GJA8: variants seen among roughly 807,000 people sequenced by gnomAD.
GJA8 encodes gap junction alpha-8 protein.
GJA8 carries 13 observed loss-of-function variants against 15.3 expected under a neutral mutation model. That is an observed-to-expected ratio of 0.85 (90% CI 0.55 to 1.35). The LOEUF is 1.35. Among genes scored for constraint, GJA8 ranks in the 40% most tolerant of loss-of-function variants. The probability of loss-of-function intolerance (pLI) is 0.00; values close to 1 mark genes in which losing one functional copy is unlikely to be tolerated. For missense variants in GJA8, 607 were observed against 553.3 expected, an observed-to-expected ratio of 1.10 and a Z score of -0.97; for synonymous variants, 304 against 238.7, an observed-to-expected ratio of 1.27 and a Z score of -2.52.
intron 1 of GJA8, among the ~76,000 whole-genome samples, chr1:147,907,141 C>T (rs756212294): frequency 1.3e-5 from 2 of 152,102 alleles, no homozygotes; most frequent in African/African-American, 4.8e-5. Flanking sequence ...CTTGCCCTGG[C>T]CTCCCAAAGT....
rs782722708 is a variant in GJA8 at position 147,909,053 on chromosome 1, G to T, written c.1098G>T (p.Val366=). ...CGGAGGAGCAGGAGAAGGTGGCCGT[G>T]CCAGAGGGGGAGAAAGTAGAGACCC... ...LTTEEQEKVA[V]PEGEKVETPG... is the part of the protein sequence containing the mutation. The change falls in exon 2 of 2, where the codon GTG becomes GTT. Residue 366 remains valine, a synonymous_variant. Transcript: ENST00000369235. The T allele has an allele frequency of 2.5e-6, 4 of 1,601,652 alleles. No individual in the cohort carries two copies. Among genetic ancestry groups the T allele is most frequent in the Non-Finnish European group, 3.4e-6 (4 of 1,173,874 alleles).
rs115981722 is a variant in GJA8 at position 147,907,897 on chromosome 1, G to T, written c.-11-48G>T. 47,289 of 1,301,272 alleles carry T rather than the reference G, an allele frequency of 0.036. 1,099 individuals are homozygous for T. The highest frequency in any genetic ancestry group is 0.045 in the Non-Finnish European group (40,035 of 898,220). The allele number at this position is 1,301,272 out of a possible 1,614,324, so 80.6% of individuals were successfully genotyped here. ...TTAGCAAAAACAGATATTGACTCAG[G>T]GTTGCATTGCGGCCGCTCAGCTCTT... On this transcript the variant is annotated intron_variant, in intron 1 of 1. Coordinates refer to ENST00000369235, the MANE Select transcript of GJA8 (RefSeq NM_005267.5).
chr1:147,909,281 A>AAC, downstream of GJA8: 1 of 1,530,626 alleles, frequency 6.5e-7, no homozygotes. Flanking sequence ...AAAAAAAAAA[A>AAC]AACGCCCAAG....
In GJA8 at chr1:147,909,003, A is replaced by G. The variant is rs1344471477; in HGVS notation, c.1048A>G (p.Lys350Glu). ...AGCCGAACCCGAGGTGGGAGAGAAG[A>G]AGGAGGAAGCAGAGAGGCTGACCAC... ...EGAEPEVGEK[K>E]EEAERLTTEE... Residue 350 changes from lysine to glutamate, a missense_variant, in exon 2 of 2, where the codon AAG becomes GAG. Physicochemically the swap from Lys to Glu is moderately conservative, Grantham distance 56. Coordinates refer to ENST00000369235, the MANE Select transcript of GJA8 (RefSeq NM_005267.5). 3.1e-6 allele frequency: 5 copies of G among 1,594,628 alleles called. No homozygotes were observed. Among genetic ancestry groups the G allele is most frequent in the Admixed American group, 1.8e-5 (1 of 56,176 alleles).
At chr1:147,913,657 G>T (rs1020322560), downstream of GJA8, among the ~76,000 whole-genome samples, 1 of 152,234 alleles carries the variant, frequency 6.6e-6, no homozygotes, top group African/African-American at 2.4e-5. Flanking sequence ...TCCCGAGAAG[G>T]GTCATTAGGC....
In GJA8 at chr1:147,908,933, G is replaced by T. The variant is rs1483268829; in HGVS notation, c.978G>T (p.Val326=). ...YQETLPSYAQ[V]GAQEVEGEGP... is the part of the protein sequence containing the mutation. ...AGACACTGCCTTCCTACGCTCAGGT[G>T]GGGGCACAAGAAGTGGAGGGCGAGG... The change falls in exon 2 of 2, where the codon GTG becomes GTT. Residue 326 remains valine (V), a synonymous_variant. Coordinates refer to ENST00000369235, the MANE Select transcript of GJA8 (RefSeq NM_005267.5). 1.2e-6 allele frequency: 2 copies of T among 1,610,452 alleles called. No individual in the cohort carries two copies. Among genetic ancestry groups the T allele is most frequent in the Non-Finnish European group, 1.7e-6 (2 of 1,177,438 alleles).
Position 147,907,428 on chromosome 1 carries a change from C to T in GJA8, c.-11-517C>T, listed in dbSNP as rs782774104. Among the ~76,000 whole-genome samples, 9 of 152,224 alleles carry T rather than the reference C, an allele frequency of 5.9e-5. No individual in the cohort carries two copies. The South Asian group carries it at 1.0e-3, about 18-fold the overall frequency. On this transcript the variant is annotated intron_variant, in intron 1 of 1. Coordinates refer to ENST00000369235, the MANE Select transcript of GJA8 (RefSeq NM_005267.5). ...CCCCTTCCACTTCCCTTCAAATATA[C>T]GATCATTATATATTCTGACACTCAA...
chr1:147,909,803 C>G (rs587747727), downstream of GJA8, among the ~76,000 whole-genome samples: 1 of 152,342 alleles, frequency 6.6e-6, no homozygotes, highest in South Asian at 2.1e-4. Context: ...CTGCTGCTCA[C>G]TTCCAGACAA....
chr1:147,910,454 C>G (rs1429702864), downstream of GJA8, among the ~76,000 whole-genome samples: 2 of 152,154 alleles, frequency 1.3e-5, no homozygotes, highest in Non-Finnish European at 2.9e-5. Context: ...TCTTTTGGCT[C>G]ATTGTAGCCC....
rs782457351 is a variant in GJA8, at chr1:147,908,281, G to A, written c.326G>A (p.Arg109His). The A allele has an allele frequency of 1.2e-6, 2 of 1,614,166 alleles. No homozygotes were observed. Among genetic ancestry groups the A allele is most frequent in the Non-Finnish European group, 1.7e-6 (2 of 1,180,006 alleles). ...CGCATGGAGGAGAAGCGCAAAAGCC[G>A]CGAGGCGGAGGAGCTGGGCCAGCAG... The part of the protein sequence containing the change: ...YVRMEEKRKS[R>H]EAEELGQQAG... Residue 109 changes from arginine to histidine, a missense_variant, in exon 2 of 2, where the codon CGC becomes CAC. By Grantham distance (29) the Arg-to-His change is conservative. Coordinates refer to ENST00000369235, the MANE Select transcript of GJA8 (RefSeq NM_005267.5).
downstream of GJA8, among the ~76,000 whole-genome samples, chr1:147,912,492 C>T (rs1275611456): frequency 6.6e-6 from 1 of 152,188 alleles, no homozygotes; most frequent in Non-Finnish European, 1.5e-5. Context: ...TAAGCGGCCA[C>T]ACAAACACAG....
At chr1:147,903,329 G>T (rs76103833) in intron 1 of GJA8, among the ~76,000 whole-genome samples, 5,115 of 152,274 alleles carry the variant, frequency 0.034, 96 homozygotes, top group Non-Finnish European at 0.046. Flanking sequence ...AGCACAGGAA[G>T]GGATCTGGCT....
In GJA8 at chr1:147,909,197, A is replaced by G; in HGVS notation, c.1242A>G (p.Arg414=). ...LCPELTTDDA[R]PLSRLSKASS... is the part of the protein sequence containing the mutation. ...CAGAGCTGACAACAGATGATGCCAG[A>G]CCCCTGAGCAGGCTAAGCAAAGCCA... The change falls in exon 2 of 2, where the codon AGA becomes AGG. Residue 414 remains arginine (R), a synonymous_variant. Coordinates refer to ENST00000369235, the MANE Select transcript of GJA8 (RefSeq NM_005267.5). 6.5e-7 allele frequency: 1 copy of G among 1,547,336 alleles called. No homozygotes were observed. The highest frequency in any genetic ancestry group is 8.8e-7 in the Non-Finnish European group (1 of 1,138,416).
At chr1:147,907,499 G>A (rs1651846725) in intron 1 of GJA8, among the ~76,000 whole-genome samples, 1 of 152,062 alleles carries the variant, frequency 6.6e-6, no homozygotes, top group South Asian at 2.1e-4. Context: ...GAATTGTGTT[G>A]GGAGCCCAGA....
chr1:147,903,957 A>T (rs1201007185), intron 1 of GJA8, among the ~76,000 whole-genome samples: 1 of 125,232 alleles, frequency 8.0e-6, no homozygotes, highest in Non-Finnish European at 1.6e-5. Flanking sequence ...TTTGAGACAG[A>T]GTCTCGCTGT....
In GJA8 at chr1:147,908,282, C is replaced by A; in HGVS notation, c.327C>A (p.Arg109=). 1.9e-6 allele frequency: 3 copies of A among 1,614,138 alleles called. No homozygotes were observed. The highest frequency in any genetic ancestry group is 2.5e-6 in the Non-Finnish European group (3 of 1,180,000). ...GCATGGAGGAGAAGCGCAAAAGCCG[C>A]GAGGCGGAGGAGCTGGGCCAGCAGG... The part of the protein sequence containing the change: ...YVRMEEKRKS[R]EAEELGQQAG... Residue 109 remains arginine, a synonymous_variant, in exon 2 of 2, where the codon CGC becomes CGA. Transcript: ENST00000369235.
At chr1:147,906,181 A>G (rs1459485452) in intron 1 of GJA8, among the ~76,000 whole-genome samples, 1 of 152,282 alleles carries the variant, frequency 6.6e-6, no homozygotes, top group Non-Finnish European at 1.5e-5. Flanking sequence ...TCCTAGGCCT[A>G]TAGCATGGGG....
chr1:147,905,792 T>C (rs1651774042), intron 1 of GJA8, among the ~76,000 whole-genome samples: 1 of 152,230 alleles, frequency 6.6e-6, no homozygotes, highest in South Asian at 2.1e-4. Flanking sequence ...CTGGTTCCGA[T>C]TCCGAGCTGC....
chr1:147,902,980 G>A (rs1470504722), intron 1 of GJA8, among the ~76,000 whole-genome samples, 119 bp downstream of exon 1: 1 of 152,136 alleles, frequency 6.6e-6, no homozygotes, highest in Non-Finnish European at 1.5e-5. Flanking sequence ...ATAAGATTCA[G>A]TCTTGGGCTG....
Sources: allele counts gnomAD v4.1 joint callset (sites outside exome capture counted in the v4.1 genomes callset), GRCh38; gene constraint gnomAD v4.1.1; transcripts MANE v1.5; gene names NCBI Gene and HGNC (gene_info 2026-07-23, HGNC 2026-07-21).